Variants in GPHN observed in about 807,000 individuals in gnomAD.
GPHN encodes gephyrin.
GPHN carries 17 observed loss-of-function variants against 95.5 expected under a neutral mutation model. That is an observed-to-expected ratio of 0.18 (90% CI 0.12 to 0.27). The LOEUF is 0.27. Ranked by LOEUF, GPHN falls within the 10% of genes least tolerant of loss-of-function variation. The pLI is 1.00. For synonymous variants in GPHN, 320 were observed against 322.5 expected (o/e 0.99, Z 0.08); for missense variants, 660 against 978.1 (o/e 0.67, Z 4.34).
chr14:67,559,677 C>T, the GPHN span: 3 of 1,604,766 alleles, frequency 1.9e-6, no homozygotes, highest in Non-Finnish European at 1.7e-6. Context: ...ATGGGTGACA[C>T]TCAAGTTGGC....
intron 10 of GPHN, among the ~76,000 whole-genome samples, chr14:67,042,697 G>T (rs1423105258): frequency 1.3e-5 from 2 of 152,118 alleles, no homozygotes; most frequent in African/African-American, 4.8e-5. Flanking sequence ...GCCCAGGATT[G>T]TCATTGGCTA....
At chr14:67,610,911 A>G in the GPHN span, 1 of 152,016 alleles carries the variant, frequency 6.6e-6, no homozygotes, top group Non-Finnish European at 1.5e-5. Context: ...TTTCTTTGCT[A>G]CAACTTCTGC....
chr14:67,129,843 A>T, intron 17 of GPHN, among the ~76,000 whole-genome samples: 1 of 135,776 alleles, frequency 7.4e-6, no homozygotes. Flanking sequence ...GGAGGGAGGA[A>T]GGAAGGAAGG....
At position 66,922,950 on chromosome 14, in the gene GPHN, G is replaced by A; in HGVS notation, c.729+12G>A. 6.2e-7 allele frequency: 1 copy of A among 1,609,284 alleles called. No homozygotes were observed. The highest frequency in any genetic ancestry group is 1.1e-5 in the South Asian group (1 of 91,000). ...CCATTGCTGCCAAGGTAAGCCTGAT[G>A]AGAGTTACTCAGAGGCCTAAAGGAC... On this transcript the variant is annotated intron_variant, in intron 7 of 22. Coordinates refer to ENST00000478722, the MANE Select transcript of GPHN (RefSeq NM_020806.5).
chr14:67,526,101 C>G, the GPHN span, among the ~76,000 whole-genome samples: 1 of 152,210 alleles, frequency 6.6e-6, no homozygotes, highest in Non-Finnish European at 1.5e-5. Flanking sequence ...TTAGTAGTTC[C>G]TCTTCCGGAC....
At chr14:67,470,621 G>T in the GPHN span, 385 of 153,014 alleles carry the variant, frequency 2.5e-3, 3 homozygotes, top group Non-Finnish European at 2.4e-3. Context: ...CTCCCCAGGA[G>T]ACCCACGCAG....
intron 2 of GPHN, among the ~76,000 whole-genome samples, chr14:66,718,464 C>T (rs934979373): frequency 6.6e-6 from 1 of 152,106 alleles, no homozygotes; most frequent in African/African-American, 2.4e-5. Context: ...CAGTGAGCAG[C>T]AGCAAGATTT....
rs149169534 is a variant in GPHN at position 66,752,985 on chromosome 14, A to G, written c.144-23479A>G. Among the ~76,000 whole-genome samples, 613 of 152,014 alleles carry G rather than the reference A, an allele frequency of 4.0e-3. 4 individuals carry two copies. The highest frequency in any genetic ancestry group is 7.4e-3 in the Non-Finnish European group (503 of 67,948). ...GATTGATTTAATAAATAATTGTAAT[A>G]TAGAATTAGTAGCATTGAATCCTGA... On this transcript the variant is annotated intron_variant, in intron 2 of 22. Coordinates refer to ENST00000478722, the MANE Select transcript of GPHN (RefSeq NM_020806.5).
intron 1 of GPHN, among the ~76,000 whole-genome samples, chr14:66,619,331 T>C (rs2063186632): frequency 6.6e-6 from 1 of 152,208 alleles, no homozygotes; most frequent in Non-Finnish European, 1.5e-5. Context: ...TTGTTCTCAT[T>C]AACAGTGTAG....
intron 3 of GPHN, among the ~76,000 whole-genome samples, chr14:66,808,491 G>A (rs553292353): frequency 6.0e-4 from 91 of 152,264 alleles, no homozygotes; most frequent in Admixed American, 3.8e-3. Context: ...CATAAATTCT[G>A]TATCAAATTT....
intron 17 of GPHN, among the ~76,000 whole-genome samples, chr14:67,129,226 A>G (rs2079532270): frequency 6.6e-6 from 1 of 152,092 alleles, no homozygotes; most frequent in Admixed American, 6.5e-5. Flanking sequence ...CTTATGCATT[A>G]TTAAAAATTT....
chr14:67,712,808 C>A, the GPHN span, among the ~76,000 whole-genome samples: 1 of 152,078 alleles, frequency 6.6e-6, no homozygotes, highest in Admixed American at 6.6e-5. Context: ...GAGGTGACAG[C>A]CATTGCTTTC....
intron 3 of GPHN, among the ~76,000 whole-genome samples, chr14:66,781,397 A>C (rs539390418): frequency 2.0e-5 from 3 of 152,040 alleles, no homozygotes; most frequent in Non-Finnish European, 1.5e-5. Flanking sequence ...TTGTATTTTT[A>C]GTAGAGACAG....
At position 66,838,356 on chromosome 14, in the gene GPHN, T is replaced by TATA. The variant is rs538524805; in HGVS notation, c.294+13792_294+13793insAAT. On this transcript the variant is annotated intron_variant, in intron 4 of 22. Coordinates refer to ENST00000478722, the MANE Select transcript of GPHN (RefSeq NM_020806.5). ...AATAAGTAGATGATGGTGGAATAAA[T>TATA]ATTATAAGAATTATTCTCTGAAAGA... Among the ~76,000 whole-genome samples, 1,144 of 152,186 alleles carry TATA rather than the reference T, an allele frequency of 7.5e-3. 18 individuals carry two copies. Among genetic ancestry groups the TATA allele is most frequent in the African/African-American group, 0.026 (1,088 of 41,534 alleles).
intron 1 of GPHN, among the ~76,000 whole-genome samples, chr14:66,539,669 C>G (rs1242678268): frequency 6.6e-6 from 1 of 152,090 alleles, no homozygotes; most frequent in Non-Finnish European, 1.5e-5. Flanking sequence ...GATCTGCTCA[C>G]CTCGGCCTCC....
At chr14:67,037,739 C>A (rs2153634318) in intron 10 of GPHN, among the ~76,000 whole-genome samples, 1 of 150,020 alleles carries the variant, frequency 6.7e-6, no homozygotes, top group South Asian at 2.1e-4. Context: ...AAATTTAAAT[C>A]ACAGTGAGAT....
chr14:67,445,385 GT>G, the GPHN span, among the ~76,000 whole-genome samples: 2 of 151,940 alleles, frequency 1.3e-5, no homozygotes, highest in Non-Finnish European at 2.9e-5. Context: ...GGTAGATAGT[GT>G]CAGAATGGAA....
the GPHN span, among the ~76,000 whole-genome samples, chr14:67,307,506 G>T: frequency 4.9e-4 from 74 of 152,292 alleles, 1 homozygote; most frequent in East Asian, 0.013. Context: ...TATGTACTCT[G>T]TGCCAGGCAC....
At chr14:67,380,806 C>A in the GPHN span, 2 of 1,126,376 alleles carry the variant, frequency 1.8e-6, no homozygotes, top group South Asian at 1.9e-5. Context: ...ATTTTGCATG[C>A]ATCAAAAAAG....
Sources: gnomAD v4.1 joint callset for allele counts (sites outside exome capture counted in the v4.1 genomes callset) on GRCh38, gnomAD v4.1.1 for gene constraint, MANE v1.5 for transcripts, NCBI Gene and HGNC (gene_info 2026-07-23, HGNC 2026-07-21) for gene names.